Variants in ZNF418 observed in about 807,000 individuals in gnomAD.
ZNF418 encodes zinc finger protein 418.
Under a neutral mutation model 32.0 loss-of-function variants are expected in ZNF418, and 32 were observed. The observed-to-expected ratio is 1.00, with a 90% CI of 0.75 to 1.34. The LOEUF (loss-of-function observed/expected upper bound fraction) is 1.34, where lower values mean the gene tolerates loss of function less well. Ranked by LOEUF, ZNF418 falls within the 40% of genes most tolerant of loss-of-function variation. ZNF418 has a pLI of 0.00. For synonymous variants in ZNF418, 276 were observed against 270.7 expected, an observed-to-expected ratio of 1.02 and a Z score of -0.19; for missense variants, 804 against 812.5, an observed-to-expected ratio of 0.99 and a Z score of 0.13.
In ZNF418 at chr19:57,927,236, C is replaced by T. The variant is rs558473932; in HGVS notation, c.945G>A (p.Glu315=). 3 of 1,613,842 alleles carry T rather than the reference C, an allele frequency of 1.9e-6. No homozygotes were observed. The highest frequency in any genetic ancestry group is 3.3e-5 in the Admixed American group (2 of 59,986). ...QRVHTGERPY[E]CGECGKSFSQ... is the part of the protein sequence containing the mutation. Reference sequence around the variant, plus strand: ...TAAAAGATTTCCCACATTCTCCACACTCATAAGGTCTTTCTCCAGTATGAA... The same window carrying T: ...TAAAAGATTTCCCACATTCTCCACATTCATAAGGTCTTTCTCCAGTATGAA... Residue 315 remains glutamate (E), a synonymous_variant, in exon 4 of 6, where the codon GAG becomes GAA. Transcript: ENST00000396147.
At chr19:57,924,096 T>G (rs2122674958) in intron 4 of ZNF418, among the ~76,000 whole-genome samples, 1 of 150,940 alleles carries the variant, frequency 6.6e-6, no homozygotes, top group South Asian at 2.1e-4. Context: ...AACTATGATC[T>G]CGCCACTGTA....
chr19:57,933,411 T>C (rs2072559670), intron 2 of ZNF418, among the ~76,000 whole-genome samples: 1 of 150,584 alleles, frequency 6.6e-6, no homozygotes, highest in African/African-American at 2.5e-5. Flanking sequence ...ACCCCATCTC[T>C]ACTAAAAATA....
intron 2 of ZNF418, among the ~76,000 whole-genome samples, chr19:57,931,263 G>A (rs775547748): frequency 5.2e-4 from 79 of 150,674 alleles, no homozygotes; most frequent in East Asian, 1.0e-3. Flanking sequence ...GTGCGGTGGC[G>A]GGATCTCAGC....
intron 3 of ZNF418, among the ~76,000 whole-genome samples, chr19:57,929,976 A>G (rs1267287748): frequency 6.6e-6 from 1 of 152,064 alleles, no homozygotes; most frequent in African/African-American, 2.4e-5. Context: ...GAGCCACCGC[A>G]CCCGGCCTAA....
chr19:57,932,481 A>AATC, intron 2 of ZNF418: 3 of 1,535,414 alleles, frequency 2.0e-6, no homozygotes, highest in Non-Finnish European at 2.6e-6. Flanking sequence ...TCATTCTATG[A>AATC]AGGCCTTCTT....
At chr19:57,933,953 C>T in intron 1 of ZNF418, 51 bp from the exon 2 acceptor site, 1 of 1,598,976 alleles carries the variant, frequency 6.3e-7, no homozygotes, top group Non-Finnish European at 8.5e-7. Flanking sequence ...GCCCTCTTGC[C>T]TCCCCACCGA....
At chr19:57,934,261 T>C (rs2072604240) in intron 1 of ZNF418, 8 of 1,024,098 alleles carry the variant, frequency 7.8e-6, no homozygotes, top group South Asian at 4.0e-5. Flanking sequence ...GTTTCGCTCT[T>C]GTTGCCCAGG....
Position 57,921,998 on chromosome 19 carries a change from C to T in ZNF418, c.*1257G>A, listed in dbSNP as rs1425566804. 1 of 152,284 alleles carries T rather than the reference C, an allele frequency of 6.6e-6. No individual in the cohort carries two copies. Among genetic ancestry groups the T allele is most frequent in the South Asian group, 2.1e-4 (1 of 4,832 alleles). 9.4% of individuals were successfully genotyped at this position (152,284 alleles called of 1,614,324 possible). On this transcript the variant is annotated 3_prime_UTR_variant, in exon 6 of 6. Coordinates refer to ENST00000396147, the MANE Select transcript of ZNF418 (RefSeq NM_133460.3). The stretch of plus-strand genomic sequence containing the variant: ...GCATGCAGTTTATATAGTATTTTCA[C>T]TTATCACCCTCCGCCTAGCTCAAAA...
chr19:57,932,942 T>C (rs535834854), intron 2 of ZNF418, among the ~76,000 whole-genome samples: 63 of 152,254 alleles, frequency 4.1e-4, no homozygotes, highest in African/African-American at 1.4e-3. Context: ...TGACAAACCA[T>C]GTTGTCTGAC....
At chr19:57,928,746 C>T (rs958512960) in intron 3 of ZNF418, among the ~76,000 whole-genome samples, 30 of 152,070 alleles carry the variant, frequency 2.0e-4, no homozygotes, top group Non-Finnish European at 2.9e-5. Context: ...GTAATCCCAG[C>T]ACTTTGGGAG....
At chr19:57,930,303 C>A in intron 3 of ZNF418, 125 bp downstream of exon 3, 1 of 1,463,882 alleles carries the variant, frequency 6.8e-7, no homozygotes, top group Non-Finnish European at 9.5e-7. Context: ...CAAAACCTAC[C>A]CAGAGAAGTG....
chr19:57,931,526 C>T (rs1209380919), intron 2 of ZNF418, among the ~76,000 whole-genome samples: 1 of 152,010 alleles, frequency 6.6e-6, no homozygotes, highest in Non-Finnish European at 1.5e-5. Flanking sequence ...TTAGATAGCA[C>T]AGGCACATGT....
chr19:57,927,791 C>G lies in ZNF418; in HGVS notation c.390G>C (p.Gln130His), dbSNP rs79628444. 4,435 of 1,614,214 alleles carry G rather than the reference C, an allele frequency of 2.7e-3. 107 individuals are homozygous for G. The African/African-American group carries it at 0.049, about 18-fold the overall frequency. Residue 130 changes from glutamine to histidine, a missense_variant, in exon 4 of 6, where the codon CAG (glutamine) becomes CAC (histidine). Transcript: ENST00000396147. ...YDSSNRPHQN[Q>H]YLGEKPYRSS... ...TTCTATAGGGTTTCTCTCCAAGGTA[C>G]TGATTCTGGTGCGGACGGTTTGAAC... is the stretch of plus-strand genomic sequence containing the variant.
rs1470101124 is a variant in ZNF418 at position 57,926,087 on chromosome 19, G to C, written c.*63C>G. On this transcript the variant is annotated 3_prime_UTR_variant, in exon 4 of 6. Coordinates refer to ENST00000396147, the MANE Select transcript of ZNF418 (RefSeq NM_133460.3). ...GTCACACTCATAAGGTCCTGATCCAGTAAGAACCCTCTGATCAAGAAGATG... is the reference window on the plus strand; with the variant it reads ...GTCACACTCATAAGGTCCTGATCCACTAAGAACCCTCTGATCAAGAAGATG... The C allele has an allele frequency of 7.1e-7, 1 of 1,408,128 alleles. No individual in the cohort carries two copies. The highest frequency in any genetic ancestry group is 9.8e-7 in the Non-Finnish European group (1 of 1,023,028). 87.2% of individuals were successfully genotyped at this position (1,408,128 alleles called of 1,614,324 possible). A position where few individuals can be genotyped will look rare whatever the true frequency, so the allele number is the denominator to read the frequency against.
At chr19:57,923,539 T>TACAC (rs34833982) in intron 4 of ZNF418, among the ~76,000 whole-genome samples, 184 of 144,088 alleles carry the variant, frequency 1.3e-3, no homozygotes, top group African/African-American at 3.6e-3. Flanking sequence ...TATATATACA[T>TACAC]ACACACACAC....
chr19:57,934,111 CTCAGA>C, intron 1 of ZNF418: 1 of 1,375,328 alleles, frequency 7.3e-7, no homozygotes. Context: ...CTCCAGTGTT[CTCAGA>C]TCAAAGGACT....
chr19:57,933,118 T>A (rs1431945690), intron 2 of ZNF418, among the ~76,000 whole-genome samples: 1 of 152,160 alleles, frequency 6.6e-6, no homozygotes, highest in Non-Finnish European at 1.5e-5. Flanking sequence ...GGCTAAACTA[T>A]CTCAGACTCT....
intron 2 of ZNF418, among the ~76,000 whole-genome samples, chr19:57,931,946 T>C (rs1198121787): frequency 6.6e-6 from 1 of 152,246 alleles, no homozygotes; most frequent in African/African-American, 2.4e-5. Context: ...GGTTATAGTG[T>C]TGGGGAAACA....
intron 3 of ZNF418, among the ~76,000 whole-genome samples, chr19:57,929,583 C>T (rs1417639301): frequency 6.6e-6 from 1 of 152,230 alleles, no homozygotes; most frequent in Non-Finnish European, 1.5e-5. Context: ...ACTGGACTCC[C>T]TATCCTCTTC....
Sources: gnomAD v4.1 joint callset for allele counts (sites outside exome capture counted in the v4.1 genomes callset) on GRCh38, gnomAD v4.1.1 for gene constraint, MANE v1.5 for transcripts, NCBI Gene and HGNC (gene_info 2026-07-23, HGNC 2026-07-21) for gene names.